DLGAP3: variants seen among roughly 807,000 people sequenced by gnomAD.
DLGAP3 encodes disks large-associated protein 3.
Under a neutral mutation model 81.2 loss-of-function variants are expected in DLGAP3, and 17 were observed. The observed-to-expected ratio is 0.21, with a 90% CI of 0.14 to 0.31. DLGAP3 has a LOEUF of 0.31. Among genes scored for constraint, DLGAP3 ranks in the 10% least tolerant of loss-of-function variants. The pLI, the probability that DLGAP3 is intolerant of heterozygous loss-of-function variation, is 1.00. For missense variants in DLGAP3, 1,124 were observed against 1,388.0 expected, an observed-to-expected ratio of 0.81 and a Z score of 3.02; for synonymous variants, 577 against 587.4, an observed-to-expected ratio of 0.98 and a Z score of 0.26.
In DLGAP3 at chr1:34,869,056, C is replaced by T. The variant is rs1638936383; in HGVS notation, c.2034G>A (p.Thr678=). ...GCTCCAGGTCTGCCTGCACGCCAGCCGTCACACTATTGGAGCGCTTGAACC... is the reference window on the plus strand; with the variant it reads ...GCTCCAGGTCTGCCTGCACGCCAGCTGTCACACTATTGGAGCGCTTGAACC... ...RARFKRSNSV[T]AGVQADLELE... is the part of the protein sequence containing the mutation. The change falls in exon 9 of 12, where the codon ACG becomes ACA. Residue 678 remains threonine, a synonymous_variant. Coordinates refer to ENST00000373347, the MANE Select transcript of DLGAP3 (RefSeq NM_001080418.3). 1.9e-6 allele frequency: 3 copies of T among 1,598,310 alleles called. No homozygotes were observed. Among genetic ancestry groups the T allele is most frequent in the Non-Finnish European group, 2.5e-6 (3 of 1,178,810 alleles).
At position 34,925,111 on chromosome 1, in the gene DLGAP3, C is replaced by G. The variant is rs545508278; in HGVS notation, c.-135+4340G>C. 3.3e-5 allele frequency among the ~76,000 whole-genome samples: 5 copies of G among 152,164 alleles called. No individual in the cohort carries two copies. In the South Asian group the frequency reaches 8.3e-4, roughly 25 times the overall value. On this transcript the variant is annotated intron_variant, in intron 1 of 11. Transcript: ENST00000373347. ...AGGAACAGGTTTACCCCACCACACACCCCCTTTAGAACAGAAGCCCCTCTC... is the reference window on the plus strand; with the variant it reads ...AGGAACAGGTTTACCCCACCACACAGCCCCTTTAGAACAGAAGCCCCTCTC...
chr1:34,870,741 C>T (rs1638967291), intron 8 of DLGAP3, among the ~76,000 whole-genome samples: 2 of 152,172 alleles, frequency 1.3e-5, no homozygotes, highest in Admixed American at 1.3e-4. Context: ...CTGCCCTGGT[C>T]AAGGTTTGCA....
intron 1 of DLGAP3, among the ~76,000 whole-genome samples, chr1:34,919,779 C>CAAAAG (rs57269571): frequency 0.12 from 18,103 of 151,602 alleles, 2,624 homozygotes; most frequent in African/African-American, 0.35. Context: ...GACCCCATCT[C>CAAAAG]AAAAGAAAAG....
chr1:34,888,767 T>C (rs1394870829), intron 5 of DLGAP3, among the ~76,000 whole-genome samples: 1 of 152,232 alleles, frequency 6.6e-6, no homozygotes, highest in African/African-American at 2.4e-5. Flanking sequence ...CTCTGTCATC[T>C]ACCTCTCAGT....
At chr1:34,871,530 T>G (rs1034116580) in intron 8 of DLGAP3, among the ~76,000 whole-genome samples, 1 of 152,236 alleles carries the variant, frequency 6.6e-6, no homozygotes, top group African/African-American at 2.4e-5. Flanking sequence ...CTAGCTGCAC[T>G]GTTAGGATGC....
At chr1:34,919,109 G>A (rs1398834722) in intron 1 of DLGAP3, among the ~76,000 whole-genome samples, 1 of 152,116 alleles carries the variant, frequency 6.6e-6, no homozygotes, top group Non-Finnish European at 1.5e-5. Flanking sequence ...GGAGGGGAGC[G>A]GCTGCAGCAC....
chr1:34,906,970 C>T (rs755148083), intron 2 of DLGAP3, among the ~76,000 whole-genome samples: 10 of 152,124 alleles, frequency 6.6e-5, no homozygotes, highest in Admixed American at 3.3e-4. Flanking sequence ...TCATCCTCGA[C>T]CAGGCTCCTG....
In DLGAP3 at chr1:34,895,238, GGC is replaced by G. The variant is rs1462713740; in HGVS notation, c.1386+4429_1386+4430del. Among the ~76,000 whole-genome samples, 2 of 151,868 alleles carry G rather than the reference GGC, an allele frequency of 1.3e-5. No individual in the cohort carries two copies. The highest frequency in any genetic ancestry group is 1.3e-4 in the Admixed American group (2 of 15,260). On this transcript the variant is annotated intron_variant, in intron 5 of 11. Coordinates refer to ENST00000373347, the MANE Select transcript of DLGAP3 (RefSeq NM_001080418.3). This position sits in a 1 kb window ranked among gnomAD's most constrained non-coding sequence, Gnocchi z 4.5. ...AAAAAATTAGCCAGGCGTGGTGGCG[GGC>G]GCCTGTAGTCTCAGCTACTCCGGAG...
intron 1 of DLGAP3, among the ~76,000 whole-genome samples, chr1:34,918,692 G>A (rs1183920303): frequency 6.6e-6 from 1 of 152,198 alleles, no homozygotes; most frequent in Non-Finnish European, 1.5e-5. Context: ...CACCATCCCC[G>A]ACTTGAGGGG....
In DLGAP3 at chr1:34,866,037, G is replaced by C. The variant is rs1638869673; in HGVS notation, c.*46C>G. On this transcript the variant is annotated 3_prime_UTR_variant, in exon 12 of 12. Transcript: ENST00000373347. The stretch of plus-strand genomic sequence containing the variant: ...GACCTCGACGCTGGGTGTACAGTAC[G>C]GGTGGAGAACCGCGGGCCCGGGCCG... 1 of 1,511,500 alleles carries C rather than the reference G, an allele frequency of 6.6e-7. No individual in the cohort carries two copies. The highest frequency in any genetic ancestry group is 9.0e-7 in the Non-Finnish European group (1 of 1,112,594). 93.6% of individuals were successfully genotyped at this position (1,511,500 alleles called of 1,614,324 possible).
chr1:34,894,660 T>C (rs750320775), intron 5 of DLGAP3, among the ~76,000 whole-genome samples: 2 of 152,198 alleles, frequency 1.3e-5, no homozygotes, highest in Non-Finnish European at 2.9e-5. Context: ...ACAGTATGGG[T>C]AAAATATATT....
chr1:34,873,718 G>A lies in DLGAP3; in HGVS notation c.2001-4629C>T, dbSNP rs551090486. Among the ~76,000 whole-genome samples, 5 of 152,240 alleles carry A rather than the reference G, an allele frequency of 3.3e-5. No individual in the cohort carries two copies. The highest frequency in any genetic ancestry group is 4.2e-4 in the South Asian group (2 of 4,812). Reference sequence around the variant, plus strand: ...TCATTTCCATCTGTTCTCCCACAGCGCTTTGAACAAAACTCTTTTATACTC... The same window carrying A: ...TCATTTCCATCTGTTCTCCCACAGCACTTTGAACAAAACTCTTTTATACTC... On this transcript the variant is annotated intron_variant, in intron 8 of 11. Coordinates refer to ENST00000373347, the MANE Select transcript of DLGAP3 (RefSeq NM_001080418.3). This position sits in a 1 kb window ranked among gnomAD's most constrained non-coding sequence, Gnocchi z 4.2.
chr1:34,900,884 G>A lies in DLGAP3; in HGVS notation c.1108-611C>T, dbSNP rs1010765489. On this transcript the variant is annotated intron_variant, in intron 3 of 11. Coordinates refer to ENST00000373347, the MANE Select transcript of DLGAP3 (RefSeq NM_001080418.3). This position sits in a 1 kb window ranked among gnomAD's most constrained non-coding sequence, Gnocchi z 5.6. Reference sequence around the variant, plus strand: ...GCCTAAATTAAGACAATGACAATGAGGGGGAAGAGGAGGAGATGGAAATGA... The same window carrying A: ...GCCTAAATTAAGACAATGACAATGAAGGGGAAGAGGAGGAGATGGAAATGA... Among the ~76,000 whole-genome samples the A allele has an allele frequency of 4.6e-5, 7 of 152,104 alleles. No homozygotes were observed. Among genetic ancestry groups the A allele is most frequent in the African/African-American group, 1.7e-4 (7 of 41,416 alleles).
chr1:34,894,401 T>C (rs577430119), intron 5 of DLGAP3, among the ~76,000 whole-genome samples: 1 of 151,952 alleles, frequency 6.6e-6, no homozygotes, highest in African/African-American at 2.4e-5. Context: ...CCAGAATTGA[T>C]GAAAAACATG....
chr1:34,867,758 A>G lies in DLGAP3; in HGVS notation c.2486-131T>C. ...GTATCCATCAGTCTCCTCCAGCCCCAGCCCCATCCCATCCTCAAGTTCCTA... is the reference window on the plus strand; with the variant it reads ...GTATCCATCAGTCTCCTCCAGCCCCGGCCCCATCCCATCCTCAAGTTCCTA... On this transcript the variant is annotated intron_variant, in intron 9 of 11. Coordinates refer to ENST00000373347, the MANE Select transcript of DLGAP3 (RefSeq NM_001080418.3). This position sits in a 1 kb window ranked among gnomAD's most constrained non-coding sequence, Gnocchi z 4.3. 1.3e-6 allele frequency: 1 copy of G among 755,386 alleles called. No homozygotes were observed. Among genetic ancestry groups the G allele is most frequent in the Non-Finnish European group, 2.3e-6 (1 of 427,140 alleles). The allele number at this position is 755,386 out of a possible 1,614,324, so 46.8% of individuals were successfully genotyped here. A position where few individuals can be genotyped will look rare whatever the true frequency, so the allele number is the denominator to read the frequency against.
intron 1 of DLGAP3, among the ~76,000 whole-genome samples, chr1:34,923,081 T>TC (rs1356136482): frequency 6.6e-6 from 1 of 150,984 alleles, no homozygotes; most frequent in Non-Finnish European, 1.5e-5. Flanking sequence ...CAGGAGACAA[T>TC]CCCCCCGTAT....
chr1:34,885,439 C>T, intron 7 of DLGAP3, 39 bp downstream of exon 7: 1 of 1,599,656 alleles, frequency 6.3e-7, no homozygotes, highest in African/African-American at 1.3e-5. Context: ...CCCGACCGAC[C>T]AGGGTCAGAG....
chr1:34,887,165 C>T (rs1477449071), intron 5 of DLGAP3, among the ~76,000 whole-genome samples: 1 of 151,790 alleles, frequency 6.6e-6, no homozygotes, highest in Admixed American at 6.6e-5. Flanking sequence ...CCGTATTAGC[C>T]AGGATGGTCT....
intron 8 of DLGAP3, among the ~76,000 whole-genome samples, chr1:34,872,280 A>G (rs372455572): frequency 4.6e-5 from 7 of 152,330 alleles, no homozygotes; most frequent in East Asian, 3.9e-4. Context: ...GGATTTTGCA[A>G]TCTGGAAGCC....
Sources: allele counts gnomAD v4.1 joint callset (sites outside exome capture counted in the v4.1 genomes callset), GRCh38; gene constraint gnomAD v4.1.1; non-coding constraint Gnocchi (gnomAD v3.1); transcripts MANE v1.5; gene names NCBI Gene and HGNC (gene_info 2026-07-23, HGNC 2026-07-21).